The following LAMB2 variants were observed in gnomAD, a reference collection of about 807,000 sequenced individuals.
LAMB2 encodes the protein laminin subunit beta 2, also known as laminin subunit beta-2.
Under a neutral mutation model 202.7 loss-of-function variants are expected in LAMB2, and 119 were observed. That is an observed-to-expected ratio of 0.59 (90% CI 0.51 to 0.68). The LOEUF (loss-of-function observed/expected upper bound fraction) is 0.68. Among genes scored for constraint, LAMB2 ranks in the 30% least tolerant of loss-of-function variants. The pLI, the probability that LAMB2 is intolerant of heterozygous loss-of-function variation, is 0.00. For synonymous variants in LAMB2, 818 were observed against 902.2 expected (o/e 0.91, Z 1.67); for missense variants, 2,124 against 2,410.6 (o/e 0.88, Z 2.49).
At position 49,122,864 on chromosome 3, in the gene LAMB2, A is replaced by G; in HGVS notation, c.4413T>C (p.Gly1471=). 6.2e-7 allele frequency: 1 copy of G among 1,610,740 alleles called. No individual in the cohort carries two copies. Among genetic ancestry groups the G allele is most frequent in the Non-Finnish European group, 8.5e-7 (1 of 1,179,702 alleles). ...TCTCAGCCACTCTGCTGAGGATGCT[A>G]CCACCTTCTGCCAGTGCCCGCTGCA... ...AELQRALAEG[G]SILSRVAETR... Residue 1471 remains glycine, a synonymous_variant, in exon 27 of 32, where the codon GGT becomes GGC. Transcript: ENST00000305544.
rs1245712427 is a variant in LAMB2, at chr3:49,129,959, G to A, written c.1285C>T (p.Pro429Ser). 1.9e-6 allele frequency: 3 copies of A among 1,613,976 alleles called. No homozygotes were observed. The highest frequency in any genetic ancestry group is 2.2e-5 in the East Asian group (1 of 44,884). The stretch of plus-strand genomic sequence containing the variant: ...TGGCCGGAGACCAGTCCCAGTGCAG[G>A]GTCATCATGGGAATCACAGCGACCA... The part of the protein sequence containing the change: ...DGGRCDSHDD[P>S]ALGLVSGQCR... The change falls in exon 10 of 32, where the codon CCT becomes TCT. Residue 429 changes from proline (P) to serine (S), a missense_variant. Physicochemically the swap from Pro to Ser is moderately conservative, Grantham distance 74 (BLOSUM62 -1). Around this residue, in one of 3 missense-constraint regions of LAMB2, gnomAD observed 1,702 missense variants for 1,896.3 expected, o/e 0.90. Transcript: ENST00000305544. This position sits in a 1 kb window ranked among gnomAD's most constrained non-coding sequence, Gnocchi z 6.1.
In LAMB2 at chr3:49,132,037, T is replaced by C; in HGVS notation, c.459+79A>G. 1.5e-6 allele frequency: 2 copies of C among 1,365,730 alleles called. No individual in the cohort carries two copies. The highest frequency in any genetic ancestry group is 4.6e-5 in the East Asian group (2 of 43,710). 84.6% of individuals were successfully genotyped at this position (1,365,730 alleles called of 1,614,324 possible). A position where few individuals can be genotyped will look rare whatever the true frequency, so the allele number is the denominator to read the frequency against. On this transcript the variant is annotated intron_variant, in intron 4 of 31. Coordinates refer to ENST00000305544, the MANE Select transcript of LAMB2 (RefSeq NM_002292.4). The surrounding 1 kb of genome is among the most constrained non-coding windows in gnomAD (Gnocchi z 4.6). ...TGCATCCATGCTCAAGGAGGCTGTG[T>C]TAAGGAGCTGAGGCTCTGTCCAGGG...
Position 49,130,128 on chromosome 3 carries a change from C to T in LAMB2, c.1225+103G>A. The T allele has an allele frequency of 1.3e-6, 2 of 1,586,036 alleles. No individual in the cohort carries two copies. The highest frequency in any genetic ancestry group is 1.7e-5 in the Admixed American group (1 of 59,554). ...CCTGGATCCCTGGTCAAGTTCTATC[C>T]CAAGCCCCTAACCCCAATTTCCTGC... is the stretch of plus-strand genomic sequence containing the variant. On this transcript the variant is annotated intron_variant, in intron 9 of 31. Transcript: ENST00000305544. This position sits in a 1 kb window ranked among gnomAD's most constrained non-coding sequence, Gnocchi z 5.0.
intron 15 of LAMB2, among the ~76,000 whole-genome samples, chr3:49,127,461 CGAGA>C (rs1553778442): frequency 6.6e-6 from 1 of 152,034 alleles, no homozygotes; most frequent in African/African-American, 2.4e-5. Context: ...TTTGGGAGGC[CGAGA>C]AAGGTGGATC....
In LAMB2 at chr3:49,126,419, C is replaced by A. The variant is rs2045415783; in HGVS notation, c.2097G>T (p.Gly699=). ...AGGGAGTCTCAGGCTGGGCACTTCC[C>A]CCTGTCCGTACCAGCTTCAGATGCA... is the stretch of plus-strand genomic sequence containing the variant. The part of the protein sequence containing the change: ...YKLHLKLVRT[G]GSAQPETPYS... The change falls in exon 16 of 32, where the codon GGG becomes GGT. Residue 699 remains glycine (G), a synonymous_variant. Coordinates refer to ENST00000305544, the MANE Select transcript of LAMB2 (RefSeq NM_002292.4). 1.2e-6 allele frequency: 2 copies of A among 1,614,180 alleles called. No homozygotes were observed. The highest frequency in any genetic ancestry group is 4.5e-5 in the East Asian group (2 of 44,888).
Position 49,132,864 on chromosome 3 carries a change from C to G in LAMB2, c.4G>C (p.Glu2Gln). Residue 2 changes from glutamate (E) to glutamine (Q), a missense_variant, in exon 1 of 32, where the codon GAG becomes CAG. By Grantham distance (29) the Glu-to-Gln change is conservative. Coordinates refer to ENST00000305544, the MANE Select transcript of LAMB2 (RefSeq NM_002292.4). The surrounding 1 kb of genome is among the most constrained non-coding windows in gnomAD (Gnocchi z 4.6). ...CTCCCTCTTTCCCTTGAGGTCAGCT[C>G]CATCCTGAAGAGGGGAACAGGGATA... M[E>Q]LTSRERGRGQ... The G allele has an allele frequency of 6.2e-7, 1 of 1,614,058 alleles. No individual in the cohort carries two copies. Among genetic ancestry groups the G allele is most frequent in the Non-Finnish European group, 8.5e-7 (1 of 1,179,966 alleles).
At position 49,132,356 on chromosome 3, in the gene LAMB2, C is replaced by G. The variant is rs771217937; in HGVS notation, c.299G>C (p.Arg100Thr). Residue 100 changes from arginine to threonine, a missense_variant, in exon 3 of 32, where the codon AGA becomes ACA. Arg to Thr is a moderately conservative substitution (Grantham distance 71, BLOSUM62 -1). Coordinates refer to ENST00000305544, the MANE Select transcript of LAMB2 (RefSeq NM_002292.4). The surrounding 1 kb of genome is among the most constrained non-coding windows in gnomAD (Gnocchi z 4.6). ...GATGCGATGGCTGTGTGGGTTGTCT[C>G]TAGCAGAGAAGGGGCGCCGGGAGTC... ...LCDSRRPFSARDNPHSHRIQN... is the reference protein window; with the variant it reads ...LCDSRRPFSATDNPHSHRIQN... 6.2e-7 allele frequency: 1 copy of G among 1,614,252 alleles called. No individual in the cohort carries two copies. The highest frequency in any genetic ancestry group is 8.5e-7 in the Non-Finnish European group (1 of 1,180,044).
rs191287713 is a variant in LAMB2, at chr3:49,131,264, C to T, written c.713-112G>A. The T allele has an allele frequency of 7.0e-5, 102 of 1,463,712 alleles. No individual in the cohort carries two copies. In the East Asian group the frequency reaches 1.4e-3, roughly 20 times the overall value. The allele number at this position is 1,463,712 out of a possible 1,614,324, so 90.7% of individuals were successfully genotyped here. ...GAAAGACCTCCTATACACTGCCACC[C>T]GAGCTAAACTGGGCTTGGCACCTGC... On this transcript the variant is annotated intron_variant, in intron 6 of 31. Transcript: ENST00000305544. The surrounding 1 kb of genome is among the most constrained non-coding windows in gnomAD (Gnocchi z 5.0).
At chr3:49,126,593 G>T in intron 15 of LAMB2, 96 bp from the exon 16 acceptor site, 1 of 1,531,612 alleles carries the variant, frequency 6.5e-7, no homozygotes, top group Non-Finnish European at 9.0e-7. Context: ...CCAGGCCATT[G>T]GCCAAAGCAG....
At position 49,129,522 on chromosome 3, in the gene LAMB2, C is replaced by T; in HGVS notation, c.1518+82G>A. 3 of 1,230,566 alleles carry T rather than the reference C, an allele frequency of 2.4e-6. No individual in the cohort carries two copies. Among genetic ancestry groups the T allele is most frequent in the East Asian group, 2.4e-5 (1 of 41,280 alleles). The allele number at this position is 1,230,566 out of a possible 1,614,324, so 76.2% of individuals were successfully genotyped here. A position where few individuals can be genotyped will look rare whatever the true frequency, so the allele number is the denominator to read the frequency against. On this transcript the variant is annotated intron_variant, in intron 11 of 31. Coordinates refer to ENST00000305544, the MANE Select transcript of LAMB2 (RefSeq NM_002292.4). This position sits in a 1 kb window ranked among gnomAD's most constrained non-coding sequence, Gnocchi z 6.1. ...TGGATCCTAAGCTCTCAGCACCCAC[C>T]CACTGGCATAGATGTGACACCCCAG...
rs767490989 is a variant in LAMB2 at position 49,121,875 on chromosome 3, C to G, written c.4924-15G>C. ...CTCTCCTGTACCTGCCATGGGTGAG[C>G]CAAAGGTTACACAGATCTACGGTTC... On this transcript the variant is annotated splice_polypyrimidine_tract_variant and intron_variant, in intron 29 of 31. Coordinates refer to ENST00000305544, the MANE Select transcript of LAMB2 (RefSeq NM_002292.4). 16 of 1,613,204 alleles carry G rather than the reference C, an allele frequency of 9.9e-6. No homozygotes were observed. Among genetic ancestry groups the G allele is most frequent in the Non-Finnish European group, 1.4e-5 (16 of 1,180,028 alleles).
chr3:49,130,061 C>G lies in LAMB2; in HGVS notation c.1226-43G>C. ...TACAGGGTCACTCACCCTATCTCAA[C>G]TAGCTCACTGCCAGTCCTCTCCTAA... On this transcript the variant is annotated intron_variant, in intron 9 of 31. Coordinates refer to ENST00000305544, the MANE Select transcript of LAMB2 (RefSeq NM_002292.4). The surrounding 1 kb of genome is among the most constrained non-coding windows in gnomAD (Gnocchi z 5.0). 1.2e-6 allele frequency: 2 copies of G among 1,604,622 alleles called. No homozygotes were observed. Among genetic ancestry groups the G allele is most frequent in the East Asian group, 4.5e-5 (2 of 44,832 alleles).
Position 49,128,451 on chromosome 3 carries a change from C to T in LAMB2, c.2018+7G>A, listed in dbSNP as rs375466747. ...GCCATTGTGAGTGCTACCACCAGTG[C>T]CCTCACCTGGCATGTGGTTGCAGAG... On this transcript the variant is annotated splice_region_variant and intron_variant, in intron 15 of 31. Coordinates refer to ENST00000305544, the MANE Select transcript of LAMB2 (RefSeq NM_002292.4). The T allele has an allele frequency of 1.5e-5, 25 of 1,613,334 alleles. No individual in the cohort carries two copies. In the African/African-American group the frequency reaches 2.9e-4, roughly 19 times the overall value.
In LAMB2 at chr3:49,128,059, AAGAAAC is replaced by A. The variant is rs1235922674; in HGVS notation, c.2018+393_2018+398del. Among the ~76,000 whole-genome samples the A allele has an allele frequency of 4.6e-5, 7 of 151,712 alleles. No homozygotes were observed. In the East Asian group the frequency reaches 1.2e-3, roughly 25 times the overall value. ...AAAAAAGAAAAGAAAAGAAAAAAAA[AAGAAAC>A]ATGAAACATGAAACAAATACTACCC... On this transcript the variant is annotated intron_variant, in intron 15 of 31. Coordinates refer to ENST00000305544, the MANE Select transcript of LAMB2 (RefSeq NM_002292.4).
chr3:49,128,521 C>G lies in LAMB2; in HGVS notation c.1955G>C (p.Ser652Thr). 1 of 1,614,174 alleles carries G rather than the reference C, an allele frequency of 6.2e-7. No homozygotes were observed. ...CTTGGGCACCAAATGCCCACACAGG[C>G]TGTGGGCAGGCACAGGCCCTGGACG... is the stretch of plus-strand genomic sequence containing the variant. ...VQRPGPVPAH[S>T]LCGHLVPKDD... Residue 652 changes from serine (S) to threonine (T), a missense_variant, in exon 15 of 32, where the codon AGC (serine) becomes ACC (threonine). Around this residue, in one of 3 missense-constraint regions of LAMB2, gnomAD observed 1,702 missense variants for 1,896.3 expected, o/e 0.90. Transcript: ENST00000305544.
rs769889830 is a variant in LAMB2 at position 49,125,180 on chromosome 3, G to A, written c.2721-11C>T. The A allele has an allele frequency of 3.1e-6, 5 of 1,613,414 alleles. No homozygotes were observed. The East Asian group carries it at 8.9e-5, about 29-fold the overall frequency. On this transcript the variant is annotated splice_polypyrimidine_tract_variant and intron_variant, in intron 19 of 31. Coordinates refer to ENST00000305544, the MANE Select transcript of LAMB2 (RefSeq NM_002292.4). ...AAACCAGCAATGCACCTGCAGGGAG[G>A]AGGAAGAAGAAATGTGTCATCCCTG...
rs773912894 is a variant in LAMB2 at position 49,122,801 on chromosome 3, C to G, written c.4476G>C (p.Gln1492His). The G allele has an allele frequency of 1.2e-6, 2 of 1,613,848 alleles. No individual in the cohort carries two copies. Among genetic ancestry groups the G allele is most frequent in the South Asian group, 2.2e-5 (2 of 91,090 alleles). The stretch of plus-strand genomic sequence containing the variant: ...AAGCATTAGCCTTGTCCAGGGCTGC[C>G]TGGGCCCGCTGCTGTGCCTCGCTTG... ...RQASEAQQRA[Q>H]AALDKANASR... is the part of the protein sequence containing the mutation. The change falls in exon 27 of 32, where the codon CAG (glutamine) becomes CAC (histidine). Residue 1492 changes from glutamine (Q) to histidine (H), a missense_variant. Around this residue, in one of 3 missense-constraint regions of LAMB2, gnomAD observed 1,702 missense variants for 1,896.3 expected, o/e 0.90. Coordinates refer to ENST00000305544, the MANE Select transcript of LAMB2 (RefSeq NM_002292.4).
intron 18 of LAMB2, 56 bp downstream of exon 18, chr3:49,125,691 G>A: frequency 1.9e-6 from 3 of 1,596,468 alleles, no homozygotes; most frequent in Non-Finnish European, 2.6e-6. Flanking sequence ...GGAGGAGAGA[G>A]AACAGTAATG....
rs766129300 is a variant in LAMB2 at position 49,129,252 on chromosome 3, C to T, written c.1591G>A (p.Asp531Asn). 1.2e-6 allele frequency: 2 copies of T among 1,614,054 alleles called. No homozygotes were observed. Among genetic ancestry groups the T allele is most frequent in the Non-Finnish European group, 1.7e-6 (2 of 1,179,964 alleles). Reference protein sequence around the residue: ...PCDCDVGGALDPQCDEGTGQC... With the variant: ...PCDCDVGGALNPQCDEGTGQC... ...CCCCTTTACAACACTTACTGGGGAT[C>T]CAAAGCACCACCCACGTCGCAGTCA... Residue 531 changes from aspartate to asparagine, a missense_variant, in exon 12 of 32, where the codon GAT becomes AAT. By Grantham distance (23) the Asp-to-Asn change is conservative. Transcript: ENST00000305544. This position sits in a 1 kb window ranked among gnomAD's most constrained non-coding sequence, Gnocchi z 6.1.
Sources: gnomAD v4.1 joint callset for allele counts (sites outside exome capture counted in the v4.1 genomes callset) on GRCh38, gnomAD v4.1.1 for gene constraint, gnomAD v4.1.1 regional missense constraint, Gnocchi (gnomAD v3.1) non-coding constraint, MANE v1.5 for transcripts, NCBI Gene and HGNC (gene_info 2026-07-23, HGNC 2026-07-21) for gene names.